Variants in ARMC2 observed in about 807,000 individuals in gnomAD.
The protein encoded by ARMC2 is armadillo repeat-containing protein 2.
ARMC2 carries 67 observed loss-of-function variants against 90.3 expected under a neutral mutation model. The ratio of observed to expected loss-of-function variants is 0.74; its 90% CI spans 0.61 to 0.91. The LOEUF is 0.91. Among genes scored for constraint, ARMC2 ranks in the 40% least tolerant of loss-of-function variants. The probability of loss-of-function intolerance (pLI) is 0.00; values close to 1 mark genes in which losing one functional copy is unlikely to be tolerated. For synonymous variants in ARMC2, 393 were observed against 393.0 expected (o/e 1.00, Z 0.00); for missense variants, 920 against 1,030.9 (o/e 0.89, Z 1.47).
At chr6:108,870,243 T>C (rs533446574) in intron 4 of ARMC2, among the ~76,000 whole-genome samples, 2 of 152,226 alleles carry the variant, frequency 1.3e-5, no homozygotes, top group Admixed American at 1.3e-4. Context: ...TTTAATTCAT[T>C]TCCAACATTT....
At position 108,932,763 on chromosome 6, in the gene ARMC2, C is replaced by T. The variant is rs527872596; in HGVS notation, c.1497-4137C>T. Reference sequence around the variant, plus strand: ...CAGGATGGTCTCGATCTCCTGACCTCGTGATCTGCCCGCCTCGGCCTCCCA... The same window carrying T: ...CAGGATGGTCTCGATCTCCTGACCTTGTGATCTGCCCGCCTCGGCCTCCCA... On this transcript the variant is annotated intron_variant, in intron 11 of 17. Coordinates refer to ENST00000392644, the MANE Select transcript of ARMC2 (RefSeq NM_032131.6). Among the ~76,000 whole-genome samples the T allele has an allele frequency of 1.9e-3, 285 of 151,852 alleles. 1 individual carries two copies. Among genetic ancestry groups the T allele is most frequent in the African/African-American group, 6.2e-3 (255 of 41,358 alleles).
intron 12 of ARMC2, among the ~76,000 whole-genome samples, chr6:108,937,943 A>G (rs993068047): frequency 5.9e-5 from 9 of 152,098 alleles, no homozygotes; most frequent in South Asian, 2.1e-4. Context: ...TGATCCGCCC[A>G]CCTTGGCCTC....
At chr6:108,984,967 T>C in the ARMC2 span, among the ~76,000 whole-genome samples, 1 of 152,198 alleles carries the variant, frequency 6.6e-6, no homozygotes, top group Non-Finnish European at 1.5e-5. Context: ...TCAGCGTCTC[T>C]GGGAGAATGA....
At chr6:108,990,861 T>G in the ARMC2 span, 40 of 1,589,512 alleles carry the variant, frequency 2.5e-5, no homozygotes, top group Non-Finnish European at 3.4e-5. Flanking sequence ...AGAACAAATG[T>G]GAATAAATGT....
chr6:108,967,482 G>T (rs959855625), intron 17 of ARMC2, among the ~76,000 whole-genome samples: 1 of 152,158 alleles, frequency 6.6e-6, no homozygotes, highest in Admixed American at 6.5e-5. Flanking sequence ...CTTCATTTTA[G>T]TGGGCCCTGC....
At chr6:109,051,047 A>C in the ARMC2 span, among the ~76,000 whole-genome samples, 4 of 152,204 alleles carry the variant, frequency 2.6e-5, no homozygotes, top group South Asian at 8.3e-4. Context: ...TCCTGAAGCT[A>C]ATCACCAAAT....
chr6:108,899,207 C>T (rs938687636), intron 6 of ARMC2, among the ~76,000 whole-genome samples: 2 of 152,170 alleles, frequency 1.3e-5, no homozygotes, highest in African/African-American at 4.8e-5. Flanking sequence ...TCTGCTACAC[C>T]ACACAAAATC....
Position 108,898,937 on chromosome 6 carries a change from G to T in ARMC2, c.749-757G>T, listed in dbSNP as rs571614335. ...CACAGGCATGAGATACTGCAGGGGT[G>T]ATAACATGTTTGTATACTTGTTTAA... On this transcript the variant is annotated intron_variant, in intron 6 of 17. Transcript: ENST00000392644. Among the ~76,000 whole-genome samples, 9 of 152,286 alleles carry T rather than the reference G, an allele frequency of 5.9e-5. No homozygotes were observed. The South Asian group carries it at 1.9e-3, about 32-fold the overall frequency.
the ARMC2 span, among the ~76,000 whole-genome samples, chr6:109,045,087 T>C: frequency 6.6e-6 from 1 of 151,946 alleles, no homozygotes; most frequent in Non-Finnish European, 1.5e-5. Flanking sequence ...CCACCTCTTA[T>C]ATTCCCTATC....
At chr6:108,859,865 A>G (rs938001746) in intron 3 of ARMC2, among the ~76,000 whole-genome samples, 2 of 152,104 alleles carry the variant, frequency 1.3e-5, no homozygotes, top group Admixed American at 6.6e-5. Flanking sequence ...TTAGCTGGGC[A>G]TGGTGGTGCA....
chr6:109,046,481 T>C, the ARMC2 span, among the ~76,000 whole-genome samples: 15 of 148,512 alleles, frequency 1.0e-4, no homozygotes, highest in South Asian at 3.1e-3. Context: ...AGTGCCGAGA[T>C]TGCAGCCTCT....
At chr6:108,925,948 TG>T (rs1260352212) in intron 10 of ARMC2, among the ~76,000 whole-genome samples, 1 of 152,148 alleles carries the variant, frequency 6.6e-6, no homozygotes, top group Non-Finnish European at 1.5e-5. Context: ...GTTATGTATG[TG>T]GGGCAGAAGA....
At position 108,967,519 on chromosome 6, in the gene ARMC2, C is replaced by T. The variant is rs11961520; in HGVS notation, c.2446+2379C>T. Among the ~76,000 whole-genome samples, 1,009 of 152,242 alleles carry T rather than the reference C, an allele frequency of 6.6e-3. 12 individuals carry two copies. The highest frequency in any genetic ancestry group is 0.023 in the African/African-American group (943 of 41,536). The stretch of plus-strand genomic sequence containing the variant: ...GCCTGTTACAGTCACCCCTTGGTAT[C>T]TGGGGGGATTGGTTTCAGGGCCTGC... On this transcript the variant is annotated intron_variant, in intron 17 of 17. Coordinates refer to ENST00000392644, the MANE Select transcript of ARMC2 (RefSeq NM_032131.6).
the ARMC2 span, among the ~76,000 whole-genome samples, chr6:108,999,456 C>T: frequency 6.6e-6 from 1 of 152,064 alleles, no homozygotes; most frequent in Non-Finnish European, 1.5e-5. Context: ...ATTTATAGTG[C>T]ATGGTAGACA....
intron 1 of ARMC2, among the ~76,000 whole-genome samples, chr6:108,852,638 T>A (rs1427307129): frequency 1.3e-5 from 2 of 152,182 alleles, no homozygotes; most frequent in Non-Finnish European, 2.9e-5. Flanking sequence ...GAGAGTCTAT[T>A]ATTACTCCCC....
intron 10 of ARMC2, chr6:108,923,129 A>C (rs906873471): frequency 6.6e-6 from 1 of 152,168 alleles, no homozygotes; most frequent in Non-Finnish European, 1.5e-5. Context: ...TCAGTGTGCT[A>C]TTTCTTGGTG....
chr6:108,872,560 G>A (rs924360623), intron 4 of ARMC2, among the ~76,000 whole-genome samples: 4 of 152,132 alleles, frequency 2.6e-5, no homozygotes, highest in African/African-American at 7.2e-5. Context: ...GGGTGGATGC[G>A]AGGCCCTCAG....
intron 11 of ARMC2, among the ~76,000 whole-genome samples, chr6:108,935,313 A>G (rs1190052503): frequency 6.6e-6 from 1 of 151,634 alleles, no homozygotes; most frequent in Non-Finnish European, 1.5e-5. Flanking sequence ...CTTTTCTTCA[A>G]CTCTCTGTGA....
intron 5 of ARMC2, among the ~76,000 whole-genome samples, chr6:108,880,862 T>C (rs931722509): frequency 6.6e-6 from 1 of 151,070 alleles, no homozygotes; most frequent in Non-Finnish European, 1.5e-5. Flanking sequence ...TTTTTTCTCT[T>C]TTTTTTCTTT....
Sources: gnomAD v4.1 joint callset for allele counts (sites outside exome capture counted in the v4.1 genomes callset) on GRCh38, gnomAD v4.1.1 for gene constraint, MANE v1.5 for transcripts, NCBI Gene and HGNC (gene_info 2026-07-23, HGNC 2026-07-21) for gene names.